The following PDXDC1 variants were observed in gnomAD, a reference collection of about 807,000 sequenced individuals.
PDXDC1 encodes the protein pyridoxal-dependent decarboxylase domain-containing protein 1.
A neutral mutation model predicts 100.1 loss-of-function variants in PDXDC1; 42 were observed. That is an observed-to-expected ratio of 0.42 (90% confidence interval 0.33 to 0.54). The LOEUF is 0.54. Ranked by LOEUF, PDXDC1 falls within the 20% of genes least tolerant of loss-of-function variation. The pLI, the probability that PDXDC1 is intolerant of heterozygous loss-of-function variation, is 0.10. For missense variants in PDXDC1, 636 were observed against 979.2 expected (o/e 0.65, Z 4.68); for synonymous variants, 260 against 371.7 (o/e 0.70, Z 3.46).
chr16:15,063,431 G>A, intron 16 of PDXDC1: 1 of 695,046 alleles, frequency 1.4e-6, no homozygotes, highest in Non-Finnish European at 2.6e-6. Flanking sequence ...AAACCTGGCT[G>A]GGTGCAGTGG....
At chr16:15,047,314 G>T (rs542630919) in intron 16 of PDXDC1, 116 of 692,698 alleles carry the variant, frequency 1.7e-4, no homozygotes, top group Non-Finnish European at 2.8e-4. Context: ...GCCAGGTTCT[G>T]TTCCAGGGGA....
At chr16:15,093,256 G>T (rs374254756) in intron 16 of PDXDC1, among the ~76,000 whole-genome samples, 3 of 152,098 alleles carry the variant, frequency 2.0e-5, no homozygotes, top group South Asian at 2.1e-4. Flanking sequence ...CGCCCGCCTC[G>T]GCCTCCCAAA....
chr16:14,989,962 C>G (rs1407551012), intron 1 of PDXDC1: 5 of 1,461,686 alleles, frequency 3.4e-6, no homozygotes, highest in Admixed American at 2.6e-5. Context: ...GTGGCCGCCT[C>G]CAGGCAGGCA....
At chr16:15,041,219 A>C, downstream of PDXDC1, 1 of 787,354 alleles carries the variant, frequency 1.3e-6, no homozygotes, top group Non-Finnish European at 2.2e-6. Context: ...TCCTCGATGC[A>C]GAAAGGGAGG....
chr16:15,087,519 A>G (rs2045955894), intron 16 of PDXDC1, among the ~76,000 whole-genome samples: 2 of 152,100 alleles, frequency 1.3e-5, no homozygotes, highest in African/African-American at 4.8e-5. Context: ...CCCCACCTTA[A>G]TTCAGCTACT....
At chr16:14,985,517 C>G (rs1196690009) in intron 1 of PDXDC1, among the ~76,000 whole-genome samples, 51 of 152,310 alleles carry the variant, frequency 3.3e-4, no homozygotes, top group African/African-American at 1.1e-3. Context: ...CTCCATCTGA[C>G]CTCGTGATCC....
At chr16:15,060,480 T>A (rs1393954144) in intron 16 of PDXDC1, 1 of 154,686 alleles carries the variant, frequency 6.5e-6, no homozygotes, top group Non-Finnish European at 1.4e-5. Context: ...TTACAAAATA[T>A]TTATGATCAA....
chr16:15,137,607 G>A (rs1014712637), intron 16 of PDXDC1: 43 of 1,359,648 alleles, frequency 3.2e-5, no homozygotes, highest in African/African-American at 7.2e-5. Flanking sequence ...ACCCCCATCC[G>A]CCCGCCGCAC....
chr16:15,143,691 A>G (rs2048509557), downstream of PDXDC1, among the ~76,000 whole-genome samples: 1 of 152,178 alleles, frequency 6.6e-6, no homozygotes, highest in Admixed American at 6.5e-5. Flanking sequence ...GGGGCGTGCA[A>G]CAGTGGGACT....
chr16:15,130,202 A>G, intron 16 of PDXDC1: 3 of 1,549,710 alleles, frequency 1.9e-6, no homozygotes, highest in Non-Finnish European at 2.6e-6. Flanking sequence ...GGTCACTCAC[A>G]GGAAACACAA....
rs539689602 is a variant in PDXDC1 at position 15,129,417 on chromosome 16, C to A, written c.1400-9462C>A. 2.6e-5 allele frequency among the ~76,000 whole-genome samples: 4 copies of A among 152,174 alleles called. No individual in the cohort carries two copies. The South Asian group carries it at 6.2e-4, about 24-fold the overall frequency. ...TCACGCCACTGCACTCCAGCCTGGG[C>A]AACAGAGCGAGACTCCGTCTCCAAA... On this transcript the variant is annotated intron_variant, in intron 16 of 16. Coordinates refer to the PDXDC1 transcript ENST00000535621.
At chr16:15,112,038 G>C (rs2047088437) in intron 16 of PDXDC1, among the ~76,000 whole-genome samples, 1 of 146,972 alleles carries the variant, frequency 6.8e-6, no homozygotes, top group Non-Finnish European at 1.5e-5. Flanking sequence ...GCTTCGTTGA[G>C]GCTGGTTTGA....
At chr16:15,000,975 G>C (rs892265276) in intron 3 of PDXDC1, among the ~76,000 whole-genome samples, 1 of 149,764 alleles carries the variant, frequency 6.7e-6, no homozygotes, top group Non-Finnish European at 1.5e-5. Context: ...CATATTATAA[G>C]GCCTTTTTGC....
At chr16:15,058,419 A>G (rs957728046) in intron 16 of PDXDC1, among the ~76,000 whole-genome samples, 5 of 152,182 alleles carry the variant, frequency 3.3e-5, no homozygotes, top group Admixed American at 1.3e-4. Flanking sequence ...ATACAGGGAA[A>G]TATTTTTTAA....
intron 16 of PDXDC1, among the ~76,000 whole-genome samples, chr16:15,053,408 T>TCC (rs2044370811): frequency 6.6e-6 from 1 of 152,236 alleles, no homozygotes; most frequent in African/African-American, 2.4e-5. Context: ...CTGTTGGTAC[T>TCC]CCATACTCAG....
intron 16 of PDXDC1, chr16:15,130,179 C>T (rs1208127817): frequency 1.9e-6 from 3 of 1,542,732 alleles, no homozygotes; most frequent in Non-Finnish European, 2.6e-6. Flanking sequence ...TGCAGAGGCT[C>T]CCAGGAGCAC....
At chr16:15,082,881 G>A (rs1054703536) in intron 16 of PDXDC1, among the ~76,000 whole-genome samples, 4 of 152,094 alleles carry the variant, frequency 2.6e-5, no homozygotes, top group Non-Finnish European at 5.9e-5. Context: ...GTTAAAATAA[G>A]GCATGTTCAC....
intron 16 of PDXDC1, among the ~76,000 whole-genome samples, chr16:15,049,352 A>G (rs373885667): frequency 1.1e-4 from 17 of 152,108 alleles, no homozygotes; most frequent in East Asian, 5.8e-4. Context: ...CTTAGTCCCT[A>G]ACCTAGTAAT....
intron 16 of PDXDC1, among the ~76,000 whole-genome samples, chr16:15,075,179 G>A (rs1201486563): frequency 1.3e-5 from 2 of 151,504 alleles, no homozygotes; most frequent in African/African-American, 4.9e-5. Flanking sequence ...GAACTGGGAG[G>A]TGGAGGAGGC....
Sources: gnomAD v4.1 joint callset for allele counts (sites outside exome capture counted in the v4.1 genomes callset) on GRCh38, gnomAD v4.1.1 for gene constraint, MANE v1.5 for transcripts, NCBI Gene and HGNC (gene_info 2026-07-23, HGNC 2026-07-21) for gene names.